The following IFT80 variants were observed in gnomAD, a reference collection of about 807,000 sequenced individuals.
The protein encoded by IFT80 is intraflagellar transport 80, also known as intraflagellar transport protein 80 homolog.
A neutral mutation model predicts 107.9 loss-of-function variants in IFT80; 79 were observed. The ratio of observed to expected loss-of-function variants is 0.73; its 90% CI spans 0.61 to 0.88. The LOEUF is 0.88. Among genes scored for constraint, IFT80 ranks in the 40% least tolerant of loss-of-function variants. IFT80 has a pLI of 0.00. For synonymous variants in IFT80, 299 were observed against 300.9 expected (o/e 0.99, Z 0.07); for missense variants, 797 against 914.2 (o/e 0.87, Z 1.65).
chr3:160,356,154 CA>C lies in IFT80; in HGVS notation c.640-5del. On this transcript the variant is annotated splice_region_variant and splice_polypyrimidine_tract_variant and intron_variant, in intron 7 of 19. Coordinates refer to ENST00000326448, the MANE Select transcript of IFT80 (RefSeq NM_020800.3). ...GGCGGCCGTAACTATCCCATACCTA[CA>C]AAAGCAATTTTTAAAAATCTTTTAT... 1 of 1,610,784 alleles carries C rather than the reference CA, an allele frequency of 6.2e-7. No individual in the cohort carries two copies. Among genetic ancestry groups the C allele is most frequent in the Non-Finnish European group, 8.5e-7 (1 of 1,178,198 alleles).
intron 3 of IFT80, among the ~76,000 whole-genome samples, chr3:160,378,288 C>G (rs1712192131): frequency 6.6e-6 from 1 of 150,730 alleles, no homozygotes; most frequent in Non-Finnish European, 1.5e-5. Flanking sequence ...AAATGGAAGA[C>G]TTTCTTGACA....
intron 1 of IFT80, among the ~76,000 whole-genome samples, chr3:160,397,181 A>C (rs951053742): frequency 2.4e-4 from 36 of 151,920 alleles, no homozygotes; most frequent in Admixed American, 2.1e-3. Context: ...ATGACTCCAG[A>C]TTTTTTTCCA....
intron 8 of IFT80, among the ~76,000 whole-genome samples, chr3:160,338,569 C>A (rs918267072): frequency 6.6e-6 from 1 of 151,074 alleles, no homozygotes; most frequent in Non-Finnish European, 1.5e-5. Context: ...GAGGCTGAGG[C>A]TACAGTGAGC....
intron 8 of IFT80, among the ~76,000 whole-genome samples, chr3:160,341,294 G>A (rs190330856): frequency 6.6e-5 from 10 of 151,210 alleles, no homozygotes; most frequent in Non-Finnish European, 1.0e-4. Context: ...CTTTTTAAAC[G>A]TAGTTTGCGA....
At chr3:160,384,771 G>A (rs1712797345) in intron 1 of IFT80, 125 bp from the exon 2 acceptor site, 1 of 660,082 alleles carries the variant, frequency 1.5e-6, no homozygotes, top group East Asian at 3.1e-5. Flanking sequence ...CTGACATCAA[G>A]TACATGGAAA....
At chr3:160,321,658 A>G (rs985482067) in intron 8 of IFT80, among the ~76,000 whole-genome samples, 1 of 151,938 alleles carries the variant, frequency 6.6e-6, no homozygotes, top group African/African-American at 2.4e-5. Context: ...ATACAATAGA[A>G]CAATTATAAA....
intron 9 of IFT80, among the ~76,000 whole-genome samples, chr3:160,315,268 A>C (rs962317921): frequency 1.3e-5 from 2 of 152,198 alleles, no homozygotes; most frequent in African/African-American, 2.4e-5. Flanking sequence ...AGAGCAGAAG[A>C]AGCAGTGAAA....
Position 160,384,656 on chromosome 3 carries a change from T to A in IFT80, c.-46-10A>T, listed in dbSNP as rs959332935. On this transcript the variant is annotated splice_polypyrimidine_tract_variant and intron_variant, in intron 1 of 19. Coordinates refer to ENST00000326448, the MANE Select transcript of IFT80 (RefSeq NM_020800.3). ...CACTTGATTGTATTTACTGTAAAAATAAAAGGAGAGAAAATATAAAGTCAG... is the reference window on the plus strand; with the variant it reads ...CACTTGATTGTATTTACTGTAAAAAAAAAAGGAGAGAAAATATAAAGTCAG... The A allele has an allele frequency of 7.0e-6, 11 of 1,575,962 alleles. No individual in the cohort carries two copies. The African/African-American group carries it at 1.5e-4, about 22-fold the overall frequency.
Position 160,319,885 on chromosome 3 carries a change from A to C in IFT80, c.832T>G (p.Ser278Ala). Residue 278 changes from serine (S) to alanine (A), a missense_variant, in exon 9 of 20, where the codon TCT becomes GCT. Ser to Ala is a moderately conservative substitution (Grantham distance 99). Transcript: ENST00000326448. The stretch of plus-strand genomic sequence containing the variant: ...CCAGCAATCTGAGTGCCATCGATAG[A>C]CCATGCAATATTAAATATGCTGCCA... ...NTGSIFNIAW[S>A]IDGTQIAGAC... 4.3e-6 allele frequency: 7 copies of C among 1,612,704 alleles called. No homozygotes were observed. Among genetic ancestry groups the C allele is most frequent in the Non-Finnish European group, 5.9e-6 (7 of 1,179,224 alleles).
At chr3:160,316,704 C>T (rs1260884595) in intron 9 of IFT80, among the ~76,000 whole-genome samples, 1 of 152,104 alleles carries the variant, frequency 6.6e-6, no homozygotes, top group Non-Finnish European at 1.5e-5. Context: ...TCATTTTCCC[C>T]TGCCTCTCCC....
intron 8 of IFT80, among the ~76,000 whole-genome samples, chr3:160,344,677 T>G (rs1226355210): frequency 6.6e-6 from 1 of 152,050 alleles, no homozygotes; most frequent in Non-Finnish European, 1.5e-5. Flanking sequence ...GGAAAAGATA[T>G]CTGCAAACTA....
At chr3:160,333,436 T>C (rs545509507) in intron 8 of IFT80, among the ~76,000 whole-genome samples, 86 of 152,362 alleles carry the variant, frequency 5.6e-4, no homozygotes, top group African/African-American at 2.0e-3. Flanking sequence ...TTGACTCTTG[T>C]AGTAACACTA....
At chr3:160,376,387 T>C (rs964644472) in intron 4 of IFT80, among the ~76,000 whole-genome samples, 4 of 152,276 alleles carry the variant, frequency 2.6e-5, no homozygotes, top group Middle Eastern at 3.4e-3. Context: ...GGGATTTCTA[T>C]TTCTTCTTAA....
At chr3:160,350,288 C>T (rs745605945) in intron 8 of IFT80, among the ~76,000 whole-genome samples, 3 of 151,420 alleles carry the variant, frequency 2.0e-5, no homozygotes, top group Non-Finnish European at 4.4e-5. Flanking sequence ...TGGTGGTGGA[C>T]GCCTGTAGTC....
intron 12 of IFT80, among the ~76,000 whole-genome samples, chr3:160,289,865 G>A (rs1715400859): frequency 6.6e-6 from 1 of 152,108 alleles, no homozygotes; most frequent in African/African-American, 2.4e-5. Context: ...GGGTGGAGAG[G>A]AGAAGACTCT....
At chr3:160,353,052 G>A (rs1720827625) in intron 8 of IFT80, among the ~76,000 whole-genome samples, 1 of 152,076 alleles carries the variant, frequency 6.6e-6, no homozygotes, top group East Asian at 1.9e-4. Flanking sequence ...ACTCACCATT[G>A]CCCATAAGAT....
intron 8 of IFT80, among the ~76,000 whole-genome samples, chr3:160,343,280 C>T (rs529739214): frequency 1.3e-5 from 2 of 151,914 alleles, no homozygotes; most frequent in African/African-American, 4.8e-5. Context: ...AATGCTTAAA[C>T]GAATATTCAA....
Position 160,292,280 on chromosome 3 carries a change from A to G in IFT80, c.1316-6412T>C, listed in dbSNP as rs1040656713. The stretch of plus-strand genomic sequence containing the variant: ...GTCAGACCAAGGAACATACCTTACA[A>G]TCCATAATGTCCAACAATGGGCAGA... On this transcript the variant is annotated intron_variant, in intron 12 of 19. Coordinates refer to ENST00000326448, the MANE Select transcript of IFT80 (RefSeq NM_020800.3). 2.6e-5 allele frequency among the ~76,000 whole-genome samples: 4 copies of G among 152,190 alleles called. No homozygotes were observed. The East Asian group carries it at 7.7e-4, about 29-fold the overall frequency.
intron 1 of IFT80, among the ~76,000 whole-genome samples, chr3:160,396,536 T>C (rs1029221672): frequency 2.0e-5 from 3 of 152,296 alleles, no homozygotes; most frequent in African/African-American, 7.2e-5. Context: ...TTAATTCTAA[T>C]TCCAATTTTT....
Sources: gnomAD v4.1 joint callset for allele counts (sites outside exome capture counted in the v4.1 genomes callset) on GRCh38, gnomAD v4.1.1 for gene constraint, MANE v1.5 for transcripts, NCBI Gene and HGNC (gene_info 2026-07-23, HGNC 2026-07-21) for gene names.